Variants in ATXN7L1 observed in about 807,000 individuals in gnomAD.
ATXN7L1 encodes ataxin-7-like protein 1.
In ATXN7L1, 15 loss-of-function variants were observed where a neutral mutation model predicts 70.8. The observed-to-expected ratio is 0.21, with a 90% CI of 0.14 to 0.33. The LOEUF (loss-of-function observed/expected upper bound fraction) is 0.33. Ranked by LOEUF, ATXN7L1 falls within the 10% of genes least tolerant of loss-of-function variation. The pLI is 1.00. For missense variants in ATXN7L1, 975 were observed against 1,097.1 expected (o/e 0.89, Z 1.57); for synonymous variants, 440 against 445.1 (o/e 0.99, Z 0.14).
intron 2 of ATXN7L1, among the ~76,000 whole-genome samples, chr7:105,790,678 T>TCTATCTA (rs1332670595): frequency 2.2e-4 from 29 of 132,438 alleles, no homozygotes; most frequent in Admixed American, 1.5e-3. Context: ...CTATCTACTA[T>TCTATCTA]CTATCTATCT....
chr7:105,796,379 T>A (rs35803147), intron 2 of ATXN7L1, among the ~76,000 whole-genome samples: 38,973 of 151,796 alleles, frequency 0.26, 5,238 homozygotes, highest in African/African-American at 0.29. Context: ...ATAAATAAAT[T>A]AATTAATTAA....
At chr7:105,714,905 T>C (rs760872214) in intron 3 of ATXN7L1, among the ~76,000 whole-genome samples, 9 of 152,166 alleles carry the variant, frequency 5.9e-5, no homozygotes, top group Admixed American at 3.3e-4. Context: ...CCTCAGGTGA[T>C]CTGCCTGCCT....
chr7:105,823,136 TTTGA>T (rs1810397423), intron 2 of ATXN7L1, among the ~76,000 whole-genome samples: 1 of 152,078 alleles, frequency 6.6e-6, no homozygotes, highest in South Asian at 2.1e-4. Flanking sequence ...GGTCAGGAAC[TTTGA>T]TTGGTCTGTA....
At chr7:105,760,470 G>C (rs746116227) in intron 3 of ATXN7L1, 8 of 985,588 alleles carry the variant, frequency 8.1e-6, no homozygotes, top group African/African-American at 1.7e-5. Flanking sequence ...ATTCCTAATG[G>C]TACTCTCCTA....
intron 3 of ATXN7L1, among the ~76,000 whole-genome samples, chr7:105,724,224 G>A (rs370979255): frequency 6.6e-6 from 1 of 152,134 alleles, no homozygotes; most frequent in East Asian, 1.9e-4. Flanking sequence ...TACGTGGTTG[G>A]AAGTTTGGAT....
At chr7:105,875,487 C>T (rs961058834) in intron 2 of ATXN7L1, among the ~76,000 whole-genome samples, 2 of 152,078 alleles carry the variant, frequency 1.3e-5, no homozygotes, top group Non-Finnish European at 2.9e-5. Context: ...GAACTCCACT[C>T]TTCATTTCAG....
At chr7:105,674,471 T>C (rs1363400101) in intron 3 of ATXN7L1, among the ~76,000 whole-genome samples, 1 of 151,846 alleles carries the variant, frequency 6.6e-6, no homozygotes, top group Non-Finnish European at 1.5e-5. Flanking sequence ...ATTACTATTA[T>C]TTTTTTTTCT....
chr7:105,819,808 G>A (rs1353583402), intron 2 of ATXN7L1: 3 of 646,860 alleles, frequency 4.6e-6, no homozygotes, highest in Admixed American at 1.9e-5. Flanking sequence ...GGTGTTTGAC[G>A]GCATCCCACC....
chr7:105,704,553 G>A (rs1792884190), intron 3 of ATXN7L1, among the ~76,000 whole-genome samples: 1 of 145,282 alleles, frequency 6.9e-6, no homozygotes, highest in Non-Finnish European at 1.5e-5. Flanking sequence ...ATGTTTGGAT[G>A]AGGAAACCAA....
At chr7:105,710,994 A>C (rs1300181980) in intron 3 of ATXN7L1, among the ~76,000 whole-genome samples, 2 of 152,206 alleles carry the variant, frequency 1.3e-5, no homozygotes, top group Non-Finnish European at 2.9e-5. Flanking sequence ...GGGGGAACCC[A>C]TATAAAACCA....
chr7:105,806,623 A>G (rs750298471), intron 2 of ATXN7L1, among the ~76,000 whole-genome samples: 6 of 152,130 alleles, frequency 3.9e-5, no homozygotes, highest in Non-Finnish European at 7.3e-5. Context: ...TCTCCCTGTG[A>G]AACAGTGTTG....
chr7:105,857,680 G>A (rs1320823267), intron 2 of ATXN7L1, among the ~76,000 whole-genome samples: 2 of 152,218 alleles, frequency 1.3e-5, no homozygotes, highest in Non-Finnish European at 2.9e-5. Flanking sequence ...TTAAAGTAGA[G>A]GGTCACTTGA....
rs1563048935 is a variant in ATXN7L1 at position 105,733,609 on chromosome 7, TCCATCCATCCATCCATCCATCCAC to T, written c.355+54971_355+54994del. 1.8e-3 allele frequency among the ~76,000 whole-genome samples: 84 copies of T among 45,760 alleles called. 6 individuals carry two copies. The highest frequency in any genetic ancestry group is 2.1e-3 in the Non-Finnish European group (52 of 24,204). 30.0% of individuals were successfully genotyped at this position (45,760 alleles called of 152,430 possible). A position where few individuals can be genotyped will look rare whatever the true frequency, so the allele number is the denominator to read the frequency against. On this transcript the variant is annotated intron_variant, in intron 3 of 11. Coordinates refer to ENST00000419735, the MANE Select transcript of ATXN7L1 (RefSeq NM_020725.2). The stretch of plus-strand genomic sequence containing the variant: ...ATCCATCCATCCATCCATCCACCCA[TCCATCCATCCATCCATCCATCCAC>T]CCATCCATCCATCCATCCATCCATC...
intron 3 of ATXN7L1, among the ~76,000 whole-genome samples, chr7:105,786,488 T>G (rs1804326287): frequency 6.6e-6 from 1 of 152,174 alleles, no homozygotes; most frequent in Non-Finnish European, 1.5e-5. Flanking sequence ...TGAATTAAGC[T>G]CTCAGTGAAG....
At chr7:105,787,591 A>G (rs932534811) in intron 3 of ATXN7L1, among the ~76,000 whole-genome samples, 2 of 152,230 alleles carry the variant, frequency 1.3e-5, no homozygotes, top group African/African-American at 2.4e-5. Flanking sequence ...AAGAGCTTGG[A>G]TAAGCTCAAC....
Position 105,638,335 on chromosome 7 carries a change from C to A in ATXN7L1, c.1202+18G>T. On this transcript the variant is annotated intron_variant, in intron 7 of 11. Coordinates refer to ENST00000419735, the MANE Select transcript of ATXN7L1 (RefSeq NM_020725.2). ...TTGACCAAGCATTCAGGGCTTCTAT[C>A]GTCAAGGTGGTACTTACCTAGGAAG... The A allele has an allele frequency of 6.5e-7, 1 of 1,541,292 alleles. No homozygotes were observed. The highest frequency in any genetic ancestry group is 8.8e-7 in the Non-Finnish European group (1 of 1,139,782).
chr7:105,826,282 C>T (rs1810860031), intron 2 of ATXN7L1, among the ~76,000 whole-genome samples: 1 of 152,178 alleles, frequency 6.6e-6, no homozygotes, highest in Non-Finnish European at 1.5e-5. Context: ...GGTTCTGGCT[C>T]AATGTCTGTC....
intron 3 of ATXN7L1, among the ~76,000 whole-genome samples, chr7:105,721,896 C>T (rs1370433172): frequency 6.6e-6 from 1 of 152,210 alleles, no homozygotes; most frequent in Non-Finnish European, 1.5e-5. Flanking sequence ...AATAGGGTAG[C>T]CTAATTGAAA....
intron 3 of ATXN7L1, among the ~76,000 whole-genome samples, chr7:105,773,601 CAG>C (rs1045221571): frequency 6.6e-6 from 1 of 152,162 alleles, no homozygotes; most frequent in African/African-American, 2.4e-5. Flanking sequence ...ACAGGAGACA[CAG>C]GGGGAAGATA....
Sources: allele counts gnomAD v4.1 joint callset (sites outside exome capture counted in the v4.1 genomes callset), GRCh38; gene constraint gnomAD v4.1.1; transcripts MANE v1.5; gene names NCBI Gene and HGNC (gene_info 2026-07-23, HGNC 2026-07-21).